The following ANGPT2 variants were observed in gnomAD, a reference collection of about 807,000 sequenced individuals.
ANGPT2 encodes the protein angiopoietin-2.
Under a neutral mutation model 62.9 loss-of-function variants are expected in ANGPT2, and 28 were observed. That is an observed-to-expected ratio of 0.44 (90% confidence interval 0.33 to 0.61). ANGPT2 has a LOEUF of 0.61. ANGPT2 is among the 20% of genes least tolerant of loss of function. The pLI, the probability that ANGPT2 is intolerant of heterozygous loss-of-function variation, is 0.03. For synonymous variants in ANGPT2, 284 were observed against 207.8 expected (o/e 1.37, Z -3.15); for missense variants, 727 against 594.9 (o/e 1.22, Z -2.31).
At position 6,503,090 on chromosome 8, in the gene ANGPT2, GACT is replaced by G; in HGVS notation, c.*8_*10del. On this transcript the variant is annotated 3_prime_UTR_variant, in exon 9 of 9. Transcript: ENST00000629816. Reference sequence around the variant, plus strand: ...ATAGTTCGAGACAGTTCCTCAGGTGGACTGGGATGTTTAGAAATCTGCTGGTCG... The same window carrying G: ...ATAGTTCGAGACAGTTCCTCAGGTGGGGGATGTTTAGAAATCTGCTGGTCG... 6.2e-7 allele frequency: 1 copy of G among 1,614,116 alleles called. No individual in the cohort carries two copies. Among genetic ancestry groups the G allele is most frequent in the Non-Finnish European group, 8.5e-7 (1 of 1,179,976 alleles).
At chr8:6,511,922 T>C (rs1385052651) in intron 7 of ANGPT2, among the ~76,000 whole-genome samples, 1 of 151,684 alleles carries the variant, frequency 6.6e-6, no homozygotes, top group Non-Finnish European at 1.5e-5. Flanking sequence ...TTTTAATTCT[T>C]CTGTTGTAGA....
Position 6,532,328 on chromosome 8 carries a change from T to G in ANGPT2, c.444+4A>C, listed in dbSNP as rs767497416. On this transcript the variant is annotated splice_donor_region_variant and intron_variant, in intron 2 of 8. Coordinates refer to ENST00000629816, the MANE Select transcript of ANGPT2 (RefSeq NM_001118887.2). ...CACCGTGTGCTTTATGTGGCATTAC[T>G]TACTTGGGCTTCCACATCAGTTAAC... The G allele has an allele frequency of 3.1e-6, 5 of 1,614,062 alleles. No individual in the cohort carries two copies. The highest frequency in any genetic ancestry group is 2.7e-5 in the African/African-American group (2 of 74,926).
intron 1 of ANGPT2, among the ~76,000 whole-genome samples, chr8:6,547,943 G>C (rs1822909288): frequency 6.7e-6 from 1 of 149,042 alleles, no homozygotes; most frequent in South Asian, 2.1e-4. Flanking sequence ...TTTGGGTTAT[G>C]ACTCCTACGA....
At chr8:6,535,892 C>CAA (rs373792367) in intron 1 of ANGPT2, among the ~76,000 whole-genome samples, 4 of 130,832 alleles carry the variant, frequency 3.1e-5, no homozygotes, top group African/African-American at 8.7e-5. Flanking sequence ...ACAAAAAATA[C>CAA]AAAAAAAAAA....
chr8:6,554,395 T>C (rs1476579555), intron 1 of ANGPT2, among the ~76,000 whole-genome samples: 1 of 152,110 alleles, frequency 6.6e-6, no homozygotes, highest in African/African-American at 2.4e-5. Context: ...ATGATTATAA[T>C]TTATCAGCCC....
chr8:6,520,850 T>A lies in ANGPT2; in HGVS notation c.799+328A>T, dbSNP rs766958139. ...AATGGCCATCCCATGGGTCTGATAT[T>A]ATTTTTCCCATGTAAAACCTAAATA... On this transcript the variant is annotated intron_variant, in intron 4 of 8. Coordinates refer to ENST00000629816, the MANE Select transcript of ANGPT2 (RefSeq NM_001118887.2). 3.9e-5 allele frequency among the ~76,000 whole-genome samples: 6 copies of A among 152,222 alleles called. No individual in the cohort carries two copies. In the South Asian group the frequency reaches 1.2e-3, roughly 32 times the overall value.
At position 6,500,074 on chromosome 8, in the gene ANGPT2, T is replaced by C. The variant is rs1195322802; in HGVS notation, c.*3027A>G. 4 of 707,792 alleles carry C rather than the reference T, an allele frequency of 5.7e-6. No individual in the cohort carries two copies. Among genetic ancestry groups the C allele is most frequent in the Non-Finnish European group, 1.0e-5 (4 of 396,900 alleles). The allele number at this position is 707,792 out of a possible 1,614,324, so 43.8% of individuals were successfully genotyped here. A position where few individuals can be genotyped will look rare whatever the true frequency, so the allele number is the denominator to read the frequency against. On this transcript the variant is annotated 3_prime_UTR_variant, in exon 9 of 9. Transcript: ENST00000629816. ...AAGACATTCACAGAACTTAACACCT[T>C]TTATCAATTTATTCGCGAGAACAAA...
intron 1 of ANGPT2, among the ~76,000 whole-genome samples, chr8:6,560,961 A>G (rs541956941): frequency 2.0e-5 from 3 of 152,228 alleles, no homozygotes; most frequent in African/African-American, 7.2e-5. Context: ...GCAGATTAGA[A>G]TATTTACTGC....
chr8:6,505,441 T>TATACA (rs1813332075), intron 8 of ANGPT2, among the ~76,000 whole-genome samples: 1 of 82,138 alleles, frequency 1.2e-5, no homozygotes, highest in African/African-American at 4.4e-5. Flanking sequence ...TATATATTCT[T>TATACA]TATATACATA....
rs1392664789 is a variant in ANGPT2, at chr8:6,501,206, C to A, written c.*1895G>T. The A allele has an allele frequency of 6.6e-6, 1 of 152,110 alleles. No individual in the cohort carries two copies. The highest frequency in any genetic ancestry group is 2.4e-5 in the African/African-American group (1 of 41,406). 9.4% of individuals were successfully genotyped at this position (152,110 alleles called of 1,614,324 possible). On this transcript the variant is annotated 3_prime_UTR_variant, in exon 9 of 9. Transcript: ENST00000629816. ...ACTTTGCCAGAGTCCATCATTGACT[C>A]CAAATATGTAGCAACACCTGTGTGT...
chr8:6,510,970 G>T (rs997477674), intron 7 of ANGPT2, among the ~76,000 whole-genome samples: 3 of 152,174 alleles, frequency 2.0e-5, no homozygotes, highest in African/African-American at 4.8e-5. Flanking sequence ...ACTCATCTCT[G>T]TTGGGATTTT....
chr8:6,506,262 C>T (rs1358781970), intron 8 of ANGPT2, among the ~76,000 whole-genome samples: 2 of 151,770 alleles, frequency 1.3e-5, no homozygotes, highest in African/African-American at 4.8e-5. Context: ...AAGTTGCTGT[C>T]CATGCAAAAT....
intron 1 of ANGPT2, among the ~76,000 whole-genome samples, chr8:6,550,565 G>A (rs565110795): frequency 7.2e-4 from 109 of 152,338 alleles, no homozygotes; most frequent in African/African-American, 2.6e-3. Flanking sequence ...CGGGGTGAGG[G>A]GTGTGCTTCT....
chr8:6,510,342 A>T (rs1266669963), intron 7 of ANGPT2, among the ~76,000 whole-genome samples: 1 of 152,182 alleles, frequency 6.6e-6, no homozygotes, highest in African/African-American at 2.4e-5. Flanking sequence ...GGAGCCTACA[A>T]AGCAAATCCT....
chr8:6,539,189 G>C (rs979285997), intron 1 of ANGPT2, among the ~76,000 whole-genome samples: 4 of 152,188 alleles, frequency 2.6e-5, no homozygotes, highest in African/African-American at 9.6e-5. Flanking sequence ...GCCAGAGCCT[G>C]GGGGGTAGGC....
At chr8:6,551,117 C>A (rs955062858) in intron 1 of ANGPT2, among the ~76,000 whole-genome samples, 3 of 152,218 alleles carry the variant, frequency 2.0e-5, no homozygotes, top group Non-Finnish European at 2.9e-5. Flanking sequence ...TCCTGGGCCC[C>A]TGACTCGAAG....
At chr8:6,510,447 A>G (rs903507491) in intron 7 of ANGPT2, among the ~76,000 whole-genome samples, 3 of 152,242 alleles carry the variant, frequency 2.0e-5, no homozygotes, top group African/African-American at 7.2e-5. Context: ...TTGGAATAAT[A>G]TAATTTCTAA....
chr8:6,541,392 G>C (rs1821541964), intron 1 of ANGPT2, among the ~76,000 whole-genome samples: 1 of 152,186 alleles, frequency 6.6e-6, no homozygotes, highest in Non-Finnish European at 1.5e-5. Context: ...ATAGCCCCCA[G>C]TCAGCAGCGC....
chr8:6,522,156 G>A (rs557570244), intron 3 of ANGPT2, among the ~76,000 whole-genome samples: 1 of 152,032 alleles, frequency 6.6e-6, no homozygotes, highest in Non-Finnish European at 1.5e-5. Flanking sequence ...GAGATTGAGA[G>A]TATCCTGGCT....
Sources: allele counts gnomAD v4.1 joint callset (sites outside exome capture counted in the v4.1 genomes callset), GRCh38; gene constraint gnomAD v4.1.1; transcripts MANE v1.5; gene names NCBI Gene and HGNC (gene_info 2026-07-23, HGNC 2026-07-21).